Variants in SFMBT2 observed in about 807,000 individuals in gnomAD.
SFMBT2 encodes the protein Scm like with four mbt domains 2, also known as scm-like with four MBT domains protein 2.
Under a neutral mutation model 110.1 loss-of-function variants are expected in SFMBT2, and 38 were observed. The ratio of observed to expected loss-of-function variants is 0.35; its 90% CI spans 0.27 to 0.45. The LOEUF is 0.45. Ranked by LOEUF, SFMBT2 falls within the 20% of genes least tolerant of loss-of-function variation. The pLI, the probability that SFMBT2 is intolerant of heterozygous loss-of-function variation, is 1.00. For missense variants in SFMBT2, 1,011 were observed against 1,094.9 expected (o/e 0.92, Z 1.08); for synonymous variants, 425 against 425.4 (o/e 1.00, Z 0.01).
chr10:7,278,220 A>G (rs1347761105), intron 6 of SFMBT2, among the ~76,000 whole-genome samples: 1 of 151,086 alleles, frequency 6.6e-6, no homozygotes, highest in East Asian at 1.9e-4. Flanking sequence ...GGAACACTCA[A>G]TGGGCCTCAA....
chr10:7,177,077 C>A (rs80217685), intron 16 of SFMBT2, among the ~76,000 whole-genome samples: 3 of 152,078 alleles, frequency 2.0e-5, no homozygotes, highest in South Asian at 2.1e-4. Context: ...GCTCTCCAGT[C>A]CCCCCAGCAA....
intron 2 of SFMBT2, among the ~76,000 whole-genome samples, chr10:7,374,414 C>T (rs530381158): frequency 2.6e-5 from 4 of 152,300 alleles, no homozygotes; most frequent in South Asian, 2.1e-4. Flanking sequence ...CAGGGGAGAC[C>T]AGAGCCTCCA....
At chr10:7,197,255 C>A (rs1014467983) in intron 15 of SFMBT2, among the ~76,000 whole-genome samples, 3 of 152,196 alleles carry the variant, frequency 2.0e-5, no homozygotes, top group Non-Finnish European at 4.4e-5. Context: ...CACACACAAT[C>A]TTCCCTCTGT....
At chr10:7,325,376 G>T (rs768654792) in intron 4 of SFMBT2, among the ~76,000 whole-genome samples, 1 of 152,120 alleles carries the variant, frequency 6.6e-6, no homozygotes. Context: ...GAGAATAAAT[G>T]AAATAATAAA....
At chr10:7,237,882 C>T (rs1046692915) in intron 9 of SFMBT2, among the ~76,000 whole-genome samples, 13 of 152,130 alleles carry the variant, frequency 8.5e-5, no homozygotes, top group Admixed American at 2.0e-4. Flanking sequence ...CCCAGAAAGA[C>T]GACTTCAAGC....
At chr10:7,263,407 A>C (rs933193944) in intron 7 of SFMBT2, among the ~76,000 whole-genome samples, 2 of 151,998 alleles carry the variant, frequency 1.3e-5, no homozygotes, top group Non-Finnish European at 2.9e-5. Context: ...ATGCCCAGGA[A>C]ATTTTTGTAT....
At chr10:7,264,313 T>C (rs1331622312) in intron 7 of SFMBT2, 1 of 191,466 alleles carries the variant, frequency 5.2e-6, no homozygotes, top group Non-Finnish European at 9.6e-6. Flanking sequence ...TATTTACGGA[T>C]TTCCAGGGTG....
At chr10:7,331,778 C>T (rs11255080) in intron 4 of SFMBT2, among the ~76,000 whole-genome samples, 31,814 of 151,828 alleles carry the variant, frequency 0.21, 3,779 homozygotes, top group East Asian at 0.31. Flanking sequence ...CCAAGGCAGG[C>T]GGTTCACCTG....
chr10:7,207,772 T>G (rs10905117), intron 11 of SFMBT2, among the ~76,000 whole-genome samples: 123,161 of 152,186 alleles, frequency 0.81, 50,597 homozygotes, highest in East Asian at 1. Context: ...GATGGAGTAT[T>G]TTACTTGCTA....
At chr10:7,221,436 C>T (rs1481164432) in intron 10 of SFMBT2, among the ~76,000 whole-genome samples, 1 of 152,000 alleles carries the variant, frequency 6.6e-6, no homozygotes, top group Non-Finnish European at 1.5e-5. Context: ...CATGGTGGCA[C>T]ATGCCCGTAA....
intron 4 of SFMBT2, among the ~76,000 whole-genome samples, chr10:7,338,353 C>A (rs1843781416): frequency 6.6e-6 from 1 of 152,200 alleles, no homozygotes; most frequent in East Asian, 1.9e-4. Flanking sequence ...CAAATATCTG[C>A]ATATAAATTT....
At chr10:7,178,682 C>T (rs1433063827) in intron 16 of SFMBT2, among the ~76,000 whole-genome samples, 2 of 152,138 alleles carry the variant, frequency 1.3e-5, no homozygotes, top group Admixed American at 6.5e-5. Flanking sequence ...CAAGAAAAAC[C>T]GCAGGTAATG....
At chr10:7,192,994 C>T (rs1479328360) in intron 15 of SFMBT2, among the ~76,000 whole-genome samples, 1 of 152,208 alleles carries the variant, frequency 6.6e-6, no homozygotes, top group Non-Finnish European at 1.5e-5. Context: ...TGAGAAGCGC[C>T]TCATTGCAAA....
chr10:7,225,613 C>G (rs1839876752), intron 10 of SFMBT2, among the ~76,000 whole-genome samples: 1 of 152,116 alleles, frequency 6.6e-6, no homozygotes, highest in South Asian at 2.1e-4. Context: ...CAGAAGCCAC[C>G]TGGGAATGTG....
intron 4 of SFMBT2, among the ~76,000 whole-genome samples, chr10:7,338,025 A>G (rs910267996): frequency 1.3e-5 from 2 of 152,226 alleles, no homozygotes; most frequent in African/African-American, 4.8e-5. Flanking sequence ...TGATGTCTCC[A>G]CTATCCATGC....
At chr10:7,209,251 G>A (rs183510667) in intron 11 of SFMBT2, among the ~76,000 whole-genome samples, 1 of 152,266 alleles carries the variant, frequency 6.6e-6, no homozygotes, top group East Asian at 1.9e-4. Context: ...AAGTTCATAG[G>A]CAAAGCTGAA....
At chr10:7,330,217 G>C (rs1369382802) in intron 4 of SFMBT2, among the ~76,000 whole-genome samples, 2 of 152,066 alleles carry the variant, frequency 1.3e-5, no homozygotes, top group Non-Finnish European at 2.9e-5. Flanking sequence ...CAACCTGAAA[G>C]GTAAATCAAT....
intron 7 of SFMBT2, among the ~76,000 whole-genome samples, chr10:7,257,989 T>A (rs1460877101): frequency 1.3e-5 from 2 of 152,182 alleles, no homozygotes; most frequent in Non-Finnish European, 2.9e-5. Flanking sequence ...TGAAGTGCAA[T>A]GATGCAATCA....
At chr10:7,197,059 C>T (rs1356769958) in intron 15 of SFMBT2, among the ~76,000 whole-genome samples, 1 of 152,066 alleles carries the variant, frequency 6.6e-6, no homozygotes, top group African/African-American at 2.4e-5. Flanking sequence ...ACCATTACCT[C>T]CCGTGTGCAG....
Sources: allele counts gnomAD v4.1 joint callset (sites outside exome capture counted in the v4.1 genomes callset), GRCh38; gene constraint gnomAD v4.1.1; transcripts MANE v1.5; gene names NCBI Gene and HGNC (gene_info 2026-07-23, HGNC 2026-07-21).